HEPH: variants seen among roughly 807,000 people sequenced by gnomAD.
HEPH encodes hephaestin.
In HEPH, 69 loss-of-function variants were observed where a neutral mutation model predicts 80.8. That is an observed-to-expected ratio of 0.85 (90% confidence interval 0.70 to 1.04). The LOEUF (loss-of-function observed/expected upper bound fraction) is 1.04, where lower values mean the gene tolerates loss of function less well. Ranked by LOEUF, HEPH falls within the 50% of genes least tolerant of loss-of-function variation. The pLI, the probability that HEPH is intolerant of heterozygous loss-of-function variation, is 0.00. For synonymous variants in HEPH, 431 were observed against 322.8 expected (o/e 1.34, Z -3.60); for missense variants, 1,115 against 891.3 (o/e 1.25, Z -3.20).
intron 15 of HEPH, among the ~76,000 whole-genome samples, chrX:66,222,072 C>T (rs1359967249): frequency 8.8e-6 from 1 of 113,075 alleles, no homozygotes; most frequent in Non-Finnish European, 1.9e-5. Flanking sequence ...AATACCACCA[C>T]ACATCTGCTC....
At chrX:66,258,723 C>T (rs2091260797) in intron 17 of HEPH, 117 bp from the exon 18 acceptor site, 1 of 490,620 alleles carries the variant, frequency 2.0e-6, no homozygotes. Flanking sequence ...AAATTAGAAG[C>T]CCATTGCTAT....
chrX:66,266,491 A>T lies in HEPH; in HGVS notation c.3296A>T (p.Gln1099Leu), dbSNP rs766424993. ...GGCAATGTGAAGATGCTGGGCATGCAGATCCCCATAAAGAATGTTGAGATG... is the reference window on the plus strand; with the variant it reads ...GGCAATGTGAAGATGCTGGGCATGCTGATCCCCATAAAGAATGTTGAGATG... ...EEGNVKMLGM[Q>L]IPIKNVEMLA... Residue 1099 changes from glutamine to leucine, a missense_variant, in exon 21 of 21, where the codon CAG becomes CTG. By Grantham distance (113) the Gln-to-Leu change is moderately radical (BLOSUM62 -2). Transcript: ENST00000343002. The T allele has an allele frequency of 8.3e-7, 1 of 1,209,563 alleles. No individual in the cohort carries two copies. The highest frequency in any genetic ancestry group is 1.8e-5 in the South Asian group (1 of 56,746).
rs1368905562 is a variant in HEPH at position 66,198,882 on chromosome X, G to A, written c.1718G>A (p.Gly573Glu). 1.7e-6 allele frequency: 2 copies of A among 1,192,240 alleles called. No homozygotes were observed. The highest frequency in any genetic ancestry group is 3.5e-5 in the African/African-American group (2 of 56,831). The stretch of plus-strand genomic sequence containing the variant: ...TTTCTTCTATTGGGCCTGCAGAAAG[G>A]GGTGGATAAAGAATTCTTTCTTCTC... ...GALGADGKQK[G>E]VDKEFFLLFT... Residue 573 changes from glycine (G) to glutamate (E), a missense_variant, in exon 11 of 21, where the codon GGG becomes GAG. Gly to Glu is a moderately conservative substitution (Grantham distance 98). Around this residue, in one of 3 missense-constraint regions of HEPH, gnomAD observed 716 missense variants for 523.5 expected, o/e 1.37. Transcript: ENST00000343002.
chrX:66,173,930 A>G (rs950080340), intron 4 of HEPH, 129 bp downstream of exon 4: 1 of 404,452 alleles, frequency 2.5e-6, no homozygotes, highest in Non-Finnish European at 4.1e-6. Flanking sequence ...GTTTATTAGC[A>G]AGAAAAATCT....
intron 10 of HEPH, among the ~76,000 whole-genome samples, chrX:66,198,193 C>T (rs930274185): frequency 4.7e-5 from 5 of 106,378 alleles, no homozygotes; most frequent in Non-Finnish European, 7.7e-5. Flanking sequence ...TCCCCCTCTC[C>T]CTTTCCCTCT....
chrX:66,207,199 G>A lies in HEPH; in HGVS notation c.2296G>A (p.Gly766Ser), dbSNP rs61746100. 10 of 1,197,481 alleles carry A rather than the reference G, an allele frequency of 8.4e-6. No homozygotes were observed. The highest frequency in any genetic ancestry group is 3.6e-5 in the African/African-American group (2 of 55,861). ...WHNQSEKDSY[G>S]YIFLSNKDGL... ...GTACTCTTTGGATTCCTCTAGTTAT[G>A]GTTACATTTTCCTGAGCAACAAGGA... The change falls in exon 14 of 21, where the codon GGT becomes AGT. Residue 766 changes from glycine to serine, a missense_variant. Physicochemically the swap from Gly to Ser is moderately conservative, Grantham distance 56. This residue lies in a region of HEPH where 716 missense variants were observed against 523.5 expected (regional missense o/e 1.37). Coordinates refer to ENST00000343002, the MANE Select transcript of HEPH (RefSeq NM_001367233.3).
At chrX:66,217,034 G>C (rs754618143) in intron 15 of HEPH, among the ~76,000 whole-genome samples, 22 of 110,947 alleles carry the variant, frequency 2.0e-4, no homozygotes, top group African/African-American at 6.2e-4. Context: ...TTGGGATTAT[G>C]TTAAATGACC....
chrX:66,193,536 C>G lies in HEPH; in HGVS notation c.1267C>G (p.Arg423Gly). The change falls in exon 8 of 21, where the codon CGA (arginine) becomes GGA (glycine). Residue 423 changes from arginine to glycine, a missense_variant. Coordinates refer to ENST00000343002, the MANE Select transcript of HEPH (RefSeq NM_001367233.3). ...SDKFFQKSSS[R>G]IGGTYWKVRY... ...TAAGTTTTTCCAGAAGAGCTCCAGCCGAATTGGGGGCACTTACTGGAAAGT... is the reference window on the plus strand; with the variant it reads ...TAAGTTTTTCCAGAAGAGCTCCAGCGGAATTGGGGGCACTTACTGGAAAGT... 8.4e-7 allele frequency: 1 copy of G among 1,184,418 alleles called. No individual in the cohort carries two copies. Among genetic ancestry groups the G allele is most frequent in the Non-Finnish European group, 1.1e-6 (1 of 877,485 alleles).
chrX:66,236,203 A>T (rs924443608), intron 15 of HEPH, among the ~76,000 whole-genome samples: 2 of 111,462 alleles, frequency 1.8e-5, no homozygotes, highest in Non-Finnish European at 3.8e-5. Flanking sequence ...AAGGGACAAA[A>T]GGTGGTTTCC....
chrX:66,262,485 G>A (rs940452533), intron 19 of HEPH, among the ~76,000 whole-genome samples: 1 of 111,622 alleles, frequency 9.0e-6, no homozygotes, highest in Non-Finnish European at 1.9e-5. Flanking sequence ...GTGGATGAAA[G>A]TTTGAAATAG....
intron 4 of HEPH, among the ~76,000 whole-genome samples, chrX:66,176,969 G>C (rs1349835411): frequency 9.0e-6 from 1 of 111,308 alleles, no homozygotes; most frequent in Non-Finnish European, 1.9e-5. Flanking sequence ...TGACAAATGG[G>C]ATCTAATTAA....
intron 4 of HEPH, among the ~76,000 whole-genome samples, chrX:66,186,581 A>C (rs1187389622): frequency 1.8e-5 from 2 of 111,990 alleles, no homozygotes; most frequent in Non-Finnish European, 3.8e-5. Flanking sequence ...GCGCACACAC[A>C]CTGGCCTGCG....
intron 15 of HEPH, among the ~76,000 whole-genome samples, chrX:66,215,971 A>G (rs1364670518): frequency 8.9e-6 from 1 of 111,830 alleles, no homozygotes. Flanking sequence ...GACCTGTGTG[A>G]TGCAGCAGAG....
chrX:66,261,225 T>A (rs750654117), intron 19 of HEPH, among the ~76,000 whole-genome samples: 1 of 112,230 alleles, frequency 8.9e-6, no homozygotes, highest in Admixed American at 9.5e-5. Context: ...TTTTTGAATA[T>A]CTTCATCTAA....
intron 15 of HEPH, among the ~76,000 whole-genome samples, chrX:66,226,305 A>G (rs754058813): frequency 4.5e-5 from 5 of 111,758 alleles, no homozygotes; most frequent in Non-Finnish European, 7.5e-5. Context: ...TCCCTTACTA[A>G]GAGAAAAGTT....
At chrX:66,178,408 T>C (rs2086919597) in intron 4 of HEPH, among the ~76,000 whole-genome samples, 1 of 112,521 alleles carries the variant, frequency 8.9e-6, no homozygotes, top group African/African-American at 3.2e-5. Context: ...TAAACATGCG[T>C]GTGCATGTGT....
upstream of HEPH, among the ~76,000 whole-genome samples, chrX:66,163,899 C>A (rs1178349461): frequency 8.9e-6 from 1 of 112,002 alleles, no homozygotes; most frequent in Non-Finnish European, 1.9e-5. Flanking sequence ...TGTTTTATTG[C>A]CAATTTTATT....
At chrX:66,259,644 A>T (rs1054497863) in intron 18 of HEPH, among the ~76,000 whole-genome samples, 3 of 110,538 alleles carry the variant, frequency 2.7e-5, no homozygotes, top group Non-Finnish European at 3.8e-5. Flanking sequence ...ACATTTTAAG[A>T]GGAGAAAGTC....
intron 15 of HEPH, among the ~76,000 whole-genome samples, chrX:66,210,999 G>A (rs1195049078): frequency 2.7e-5 from 3 of 111,314 alleles, no homozygotes; most frequent in African/African-American, 9.8e-5. Flanking sequence ...AGAGCTGTAC[G>A]GATAGAAGAT....
Sources: gnomAD v4.1 joint callset for allele counts (sites outside exome capture counted in the v4.1 genomes callset) on GRCh38, gnomAD v4.1.1 for gene constraint, gnomAD v4.1.1 regional missense constraint, MANE v1.5 for transcripts, NCBI Gene and HGNC (gene_info 2026-07-23, HGNC 2026-07-21) for gene names.